CLUL1: variants seen among roughly 807,000 people sequenced by gnomAD.
CLUL1 encodes the protein clusterin like 1.
A neutral mutation model predicts 49.4 loss-of-function variants in CLUL1; 43 were observed. The observed-to-expected ratio is 0.87, with a 90% CI of 0.68 to 1.12. The LOEUF (loss-of-function observed/expected upper bound fraction) is 1.12. Among genes scored for constraint, CLUL1 ranks in the 50% most tolerant of loss-of-function variants. The probability of loss-of-function intolerance (pLI) is 0.00; values close to 1 mark genes in which losing one functional copy is unlikely to be tolerated. For missense variants in CLUL1, 486 were observed against 544.4 expected, an observed-to-expected ratio of 0.89 and a Z score of 1.07; for synonymous variants, 192 against 184.9, an observed-to-expected ratio of 1.04 and a Z score of -0.31.
intron 1 of CLUL1, among the ~76,000 whole-genome samples, chr18:605,753 T>A (rs1012828001): frequency 6.6e-6 from 1 of 152,104 alleles, no homozygotes; most frequent in Non-Finnish European, 1.5e-5. Flanking sequence ...CTTGGCTCAC[T>A]GCAACCTCCG....
intron 4 of CLUL1, among the ~76,000 whole-genome samples, chr18:623,716 C>A (rs1485207544): frequency 1.3e-5 from 2 of 149,748 alleles, no homozygotes; most frequent in East Asian, 4.0e-4. Flanking sequence ...GACACACACA[C>A]ACTCCTGTCT....
chr18:636,624 C>CTTTTTTTTTTTT lies in CLUL1; in HGVS notation c.994+3197_994+3208dup, dbSNP rs68150473. Among the ~76,000 whole-genome samples, 6 of 122,064 alleles carry CTTTTTTTTTTTT rather than the reference C, an allele frequency of 4.9e-5. 1 individual carries two copies. Among genetic ancestry groups the CTTTTTTTTTTTT allele is most frequent in the African/African-American group, 3.1e-5 (1 of 32,344 alleles). 80.1% of individuals were successfully genotyped at this position (122,064 alleles called of 152,430 possible). On this transcript the variant is annotated intron_variant, in intron 7 of 9. Coordinates refer to ENST00000692774, the MANE Select transcript of CLUL1 (RefSeq NM_001393344.1). ...AGAGTCGACAACACTCCCTTTCTCT[C>CTTTTTTTTTTTT]TTTTTTTTTTTTTTTTTTTGTGCCA... is the stretch of plus-strand genomic sequence containing the variant.
chr18:602,239 A>G (rs771985969), intron 1 of CLUL1, among the ~76,000 whole-genome samples: 1 of 152,232 alleles, frequency 6.6e-6, no homozygotes, highest in Non-Finnish European at 1.5e-5. Context: ...GGGATGAAAG[A>G]GAATTGGTCT....
At chr18:624,555 G>A (rs2144039348) in intron 4 of CLUL1, among the ~76,000 whole-genome samples, 1 of 152,254 alleles carries the variant, frequency 6.6e-6, no homozygotes, top group Admixed American at 6.5e-5. Flanking sequence ...TCCCAGATCG[G>A]GATGGCATCT....
At chr18:630,421 A>T (rs113215791) in intron 6 of CLUL1, among the ~76,000 whole-genome samples, 1,818 of 152,172 alleles carry the variant, frequency 0.012, 40 homozygotes, top group African/African-American at 0.042. Flanking sequence ...AACTGATTTT[A>T]AAATAGAGAG....
chr18:603,668 A>G (rs565530151), intron 1 of CLUL1, among the ~76,000 whole-genome samples: 11 of 152,270 alleles, frequency 7.2e-5, no homozygotes, highest in African/African-American at 2.6e-4. Context: ...GTGTGTGTGT[A>G]TGCATATAGC....
chr18:613,601 C>A (rs534797781), intron 2 of CLUL1, among the ~76,000 whole-genome samples: 1 of 151,382 alleles, frequency 6.6e-6, no homozygotes, highest in South Asian at 2.1e-4. Context: ...ATTACAGGCA[C>A]CTGCCACCAC....
intron 1 of CLUL1, among the ~76,000 whole-genome samples, chr18:604,071 G>A (rs2072904551): frequency 6.6e-6 from 1 of 152,056 alleles, no homozygotes; most frequent in Non-Finnish European, 1.5e-5. Flanking sequence ...TATAATGATG[G>A]GGTTTCACCA....
At chr18:635,248 C>T (rs375650629) in intron 7 of CLUL1, among the ~76,000 whole-genome samples, 2 of 152,110 alleles carry the variant, frequency 1.3e-5, no homozygotes, top group African/African-American at 2.4e-5. Flanking sequence ...GCAGGGGGCA[C>T]GTTTGGGGAT....
intron 9 of CLUL1, among the ~76,000 whole-genome samples, chr18:647,408 G>T (rs1243220934): frequency 1.3e-5 from 2 of 152,134 alleles, no homozygotes; most frequent in African/African-American, 4.8e-5. Context: ...TAAAAGAAAT[G>T]GATGGATACC....
intron 2 of CLUL1, among the ~76,000 whole-genome samples, chr18:617,125 C>T (rs1378447311): frequency 6.6e-6 from 1 of 152,012 alleles, no homozygotes; most frequent in Admixed American, 6.6e-5. Flanking sequence ...TAATGTGTAT[C>T]GAATTAAACT....
intron 1 of CLUL1, among the ~76,000 whole-genome samples, chr18:601,670 G>A (rs1326878972): frequency 2.0e-5 from 3 of 150,270 alleles, no homozygotes; most frequent in Non-Finnish European, 4.4e-5. Context: ...TTAGCTGGAT[G>A]TGGTGGCACA....
chr18:623,178 A>C (rs2073554221), intron 4 of CLUL1, among the ~76,000 whole-genome samples: 1 of 151,932 alleles, frequency 6.6e-6, no homozygotes, highest in South Asian at 2.1e-4. Flanking sequence ...GATTACAGGC[A>C]CCCACCATCA....
At position 611,790 on chromosome 18, in the gene CLUL1, T is replaced by A. The variant is rs140838182; in HGVS notation, c.-14+4691T>A. 5.3e-3 allele frequency among the ~76,000 whole-genome samples: 814 copies of A among 152,298 alleles called. 9 individuals carry two copies. Among genetic ancestry groups the A allele is most frequent in the African/African-American group, 0.019 (774 of 41,556 alleles). On this transcript the variant is annotated intron_variant, in intron 2 of 9. Transcript: ENST00000692774. ...AAGTCACCGGTGGATTTGGTCATCATTGGCTTCTTGATGACTTTAGCAACA... is the reference window on the plus strand; with the variant it reads ...AAGTCACCGGTGGATTTGGTCATCAATGGCTTCTTGATGACTTTAGCAACA...
chr18:619,302 AAAGAG>A lies in CLUL1; in HGVS notation c.200_204del (p.Glu67GlyfsTer25). The A allele has an allele frequency of 1.2e-6, 2 of 1,614,156 alleles. No individual in the cohort carries two copies. The highest frequency in any genetic ancestry group is 2.7e-5 in the African/African-American group (2 of 75,054). ...GCAAATGAAAATCATGATGGAAAGA[AAAGAG>A]AAGGAACACACCAATCTAATGAGCA... On this transcript the variant is annotated frameshift_variant, in exon 4 of 10. Transcript: ENST00000692774. LOFTEE classifies it high-confidence loss of function.
intron 2 of CLUL1, chr18:612,814 G>A (rs1326147085): frequency 6.5e-6 from 1 of 153,024 alleles, no homozygotes; most frequent in Non-Finnish European, 1.5e-5. Flanking sequence ...AGAGACCACT[G>A]TATCTCCGGT....
At chr18:617,126 G>A (rs919071067) in intron 2 of CLUL1, among the ~76,000 whole-genome samples, 1 of 151,982 alleles carries the variant, frequency 6.6e-6, no homozygotes, top group Non-Finnish European at 1.5e-5. Context: ...AATGTGTATC[G>A]AATTAAACTC....
intron 7 of CLUL1, among the ~76,000 whole-genome samples, chr18:636,487 C>T (rs1400395864): frequency 6.6e-6 from 1 of 152,014 alleles, no homozygotes; most frequent in Non-Finnish European, 1.5e-5. Flanking sequence ...TGCTTTGCAA[C>T]TCGAAAGGAG....
At chr18:624,724 G>A (rs2073623661) in intron 4 of CLUL1, 141 bp from the exon 5 acceptor site, 2 of 683,788 alleles carry the variant, frequency 2.9e-6, no homozygotes, top group African/African-American at 1.8e-5. Flanking sequence ...AGCTTTGGGG[G>A]AGATCTGACA....
Sources: gnomAD v4.1 joint callset for allele counts (sites outside exome capture counted in the v4.1 genomes callset) on GRCh38, gnomAD v4.1.1 for gene constraint, MANE v1.5 for transcripts, NCBI Gene and HGNC (gene_info 2026-07-23, HGNC 2026-07-21) for gene names.